Variants in HDAC3 observed in about 807,000 individuals in gnomAD.
The protein encoded by HDAC3 is SMAP45.
A neutral mutation model predicts 62.3 loss-of-function variants in HDAC3; 21 were observed. The observed-to-expected ratio is 0.34, with a 90% CI of 0.24 to 0.49. The LOEUF (loss-of-function observed/expected upper bound fraction) is 0.49, where lower values mean the gene tolerates loss of function less well. HDAC3 is among the 20% of genes least tolerant of loss of function. The probability of loss-of-function intolerance (pLI) is 0.99; values close to 1 mark genes in which losing one functional copy is unlikely to be tolerated. For missense variants in HDAC3, 270 were observed against 556.9 expected (o/e 0.48, Z 5.19); for synonymous variants, 198 against 206.5 (o/e 0.96, Z 0.35).
Position 141,629,339 on chromosome 5 carries a change from G to C in HDAC3, c.477-33C>G. 1 of 1,613,752 alleles carries C rather than the reference G, an allele frequency of 6.2e-7. No homozygotes were observed. Among genetic ancestry groups the C allele is most frequent in the Admixed American group, 1.7e-5 (1 of 60,014 alleles). ...GAAGCCAAAGCCAGGGTCTGAGCTA[G>C]AAGTGAACCCCCCAACCCACTCCTC... On this transcript the variant is annotated intron_variant, in intron 6 of 14. Coordinates refer to ENST00000305264, the MANE Select transcript of HDAC3 (RefSeq NM_003883.4). The surrounding 1 kb of genome is among the most constrained non-coding windows in gnomAD (Gnocchi z 5.3).
rs372644431 is a variant in HDAC3, at chr5:141,625,952, C to A, written c.979+61G>T. On this transcript the variant is annotated intron_variant, in intron 12 of 14. Coordinates refer to ENST00000305264, the MANE Select transcript of HDAC3 (RefSeq NM_003883.4). This position sits in a 1 kb window ranked among gnomAD's most constrained non-coding sequence, Gnocchi z 4.0. ...TTTCCCATGTGCCTTCAAACCAGGTCATTCTGGAATCTGGTGAGAATGGCC... is the reference window on the plus strand; with the variant it reads ...TTTCCCATGTGCCTTCAAACCAGGTAATTCTGGAATCTGGTGAGAATGGCC... 6.9e-5 allele frequency: 102 copies of A among 1,484,300 alleles called. No individual in the cohort carries two copies. In the African/African-American group the frequency reaches 1.1e-3, roughly 16 times the overall value. The allele number at this position is 1,484,300 out of a possible 1,614,324, so 91.9% of individuals were successfully genotyped here.
rs2099904357 is a variant in HDAC3 at position 141,625,822 on chromosome 5, C to T, written c.980-58G>A. ...CTGAGAAAGGCAGCTAACAAGACTT[C>T]CCAATCTTTTTCCTTCCCATCCAGA... On this transcript the variant is annotated intron_variant, in intron 12 of 14. Transcript: ENST00000305264. The surrounding 1 kb of genome is among the most constrained non-coding windows in gnomAD (Gnocchi z 4.0). 3 of 1,524,362 alleles carry T rather than the reference C, an allele frequency of 2.0e-6. No individual in the cohort carries two copies. The highest frequency in any genetic ancestry group is 2.7e-6 in the Non-Finnish European group (3 of 1,098,442). The allele number at this position is 1,524,362 out of a possible 1,614,324, so 94.4% of individuals were successfully genotyped here.
At position 141,625,427 on chromosome 5, in the gene HDAC3, C is replaced by G. The variant is rs1011268657; in HGVS notation, c.1060-62G>C. On this transcript the variant is annotated intron_variant, in intron 13 of 14. Transcript: ENST00000305264. The surrounding 1 kb of genome is among the most constrained non-coding windows in gnomAD (Gnocchi z 4.0). ...CAGAGATTCCCAGGACATGGAATCTCCTAGCTGCCTTTTACCCCTACCATA... is the reference window on the plus strand; with the variant it reads ...CAGAGATTCCCAGGACATGGAATCTGCTAGCTGCCTTTTACCCCTACCATA... 16 of 1,575,616 alleles carry G rather than the reference C, an allele frequency of 1.0e-5. No homozygotes were observed. Among genetic ancestry groups the G allele is most frequent in the Admixed American group, 3.4e-5 (2 of 59,250 alleles).
chr5:141,626,122 C>T lies in HDAC3; in HGVS notation c.921-51G>A, dbSNP rs767716127. On this transcript the variant is annotated intron_variant, in intron 11 of 14. Transcript: ENST00000305264. The surrounding 1 kb of genome is among the most constrained non-coding windows in gnomAD (Gnocchi z 4.6). ...AGGCTGACCAAGTGGGCTGAAGGAC[C>T]CATGTGGCCATATCTGAGGGACACC... The T allele has an allele frequency of 1.2e-6, 2 of 1,604,516 alleles. No homozygotes were observed. The highest frequency in any genetic ancestry group is 2.7e-5 in the African/African-American group (2 of 74,694).
chr5:141,630,705 A>G (rs1333113489), intron 3 of HDAC3, among the ~76,000 whole-genome samples: 1 of 152,212 alleles, frequency 6.6e-6, no homozygotes, highest in East Asian at 1.9e-4. Flanking sequence ...GTATGACTCC[A>G]TTTATGTAAC....
chr5:141,625,350 G>A lies in HDAC3; in HGVS notation c.1075C>T (p.Arg359Cys), dbSNP rs770257066. 5.6e-6 allele frequency: 9 copies of A among 1,613,934 alleles called. No individual in the cohort carries two copies. Among genetic ancestry groups the A allele is most frequent in the Middle Eastern group, 1.6e-4 (1 of 6,084 alleles). ...QNSRQYLDQIRQTIFENLKML... is the reference protein window; with the variant it reads ...QNSRQYLDQICQTIFENLKML... ...TTCAGGTTTTCAAAGATTGTCTGGC[G>A]GATCTGGTCCAGATACTGGTTGGAA... Residue 359 changes from arginine to cysteine, a missense_variant, in exon 14 of 15, where the codon CGC becomes TGC. Arg to Cys is a radical substitution (Grantham distance 180, BLOSUM62 -3). This residue lies in a region of HDAC3 where 156 missense variants were observed against 383.9 expected (regional missense o/e 0.41). Coordinates refer to ENST00000305264, the MANE Select transcript of HDAC3 (RefSeq NM_003883.4). This position sits in a 1 kb window ranked among gnomAD's most constrained non-coding sequence, Gnocchi z 4.0.
In HDAC3 at chr5:141,626,403, T is replaced by C. The variant is rs1223619323; in HGVS notation, c.831-120A>G. 3 of 739,156 alleles carry C rather than the reference T, an allele frequency of 4.1e-6. No homozygotes were observed. The highest frequency in any genetic ancestry group is 7.0e-6 in the Non-Finnish European group (3 of 428,146). The allele number at this position is 739,156 out of a possible 1,614,324, so 45.8% of individuals were successfully genotyped here. ...TAAATGTTCTAAATCTTTATCTTGA[T>C]AGTGAAATTCATTATGTTATACCCT... On this transcript the variant is annotated intron_variant, in intron 10 of 14. Transcript: ENST00000305264. This position sits in a 1 kb window ranked among gnomAD's most constrained non-coding sequence, Gnocchi z 4.6.
rs146494634 is a variant in HDAC3, at chr5:141,627,927, A to G, written c.796T>C (p.Leu266=). Residue 266 remains leucine, a synonymous_variant, in exon 10 of 15, where the codon TTG becomes CTG. Coordinates refer to ENST00000305264, the MANE Select transcript of HDAC3 (RefSeq NM_003883.4). ...CGADSLGCDR[L]GCFNLSIRGH... ...CGGATGCTGAGGTTAAAGCAGCCCA[A>G]TCGATCACAGCCCAGAGAGTCAGCT... 6.2e-6 allele frequency: 10 copies of G among 1,614,058 alleles called. No homozygotes were observed. In the Middle Eastern group the frequency reaches 4.9e-4, roughly 80 times the overall value.
chr5:141,633,518 G>A (rs577501716), intron 3 of HDAC3, among the ~76,000 whole-genome samples: 1 of 152,148 alleles, frequency 6.6e-6, no homozygotes, highest in South Asian at 2.1e-4. Context: ...AGGGAGTATA[G>A]ATGAAGTAAG....
chr5:141,630,696 T>C (rs1046628058), intron 3 of HDAC3, among the ~76,000 whole-genome samples: 3 of 152,216 alleles, frequency 2.0e-5, no homozygotes, highest in African/African-American at 7.2e-5. Context: ...CTACTTACTG[T>C]ATGACTCCAT....
intron 9 of HDAC3, 28 bp from the exon 10 acceptor site, chr5:141,627,985 G>A (rs1250092015): frequency 2.0e-5 from 33 of 1,613,080 alleles, no homozygotes; most frequent in Non-Finnish European, 2.8e-5. Context: ...CCAGGAAAGT[G>A]CAGTGATCAG....
chr5:141,628,733 A>G lies in HDAC3; in HGVS notation c.611-94T>C, dbSNP rs2099904801. On this transcript the variant is annotated intron_variant, in intron 7 of 14. Transcript: ENST00000305264. The surrounding 1 kb of genome is among the most constrained non-coding windows in gnomAD (Gnocchi z 4.7). The stretch of plus-strand genomic sequence containing the variant: ...CTGCACTCTGGGAGCCTCTCATTCC[A>G]TCTATGTAGCTTCACCATAAACTCC... 9 of 858,998 alleles carry G rather than the reference A, an allele frequency of 1.0e-5. No homozygotes were observed. In the Admixed American group the frequency reaches 1.4e-4, roughly 13 times the overall value. 53.2% of individuals were successfully genotyped at this position (858,998 alleles called of 1,614,324 possible).
Position 141,629,596 on chromosome 5 carries a change from G to C in HDAC3, c.476+88C>G. Reference sequence around the variant, plus strand: ...GAACTTGGGAGAAGCTAATCAGGGAGGAGGGAGGTCAAGGTCAGGGTTGAG... The same window carrying C: ...GAACTTGGGAGAAGCTAATCAGGGACGAGGGAGGTCAAGGTCAGGGTTGAG... On this transcript the variant is annotated intron_variant, in intron 6 of 14. Transcript: ENST00000305264. This position sits in a 1 kb window ranked among gnomAD's most constrained non-coding sequence, Gnocchi z 5.3. 1.5e-6 allele frequency: 2 copies of C among 1,293,216 alleles called. No individual in the cohort carries two copies. The highest frequency in any genetic ancestry group is 2.2e-6 in the Non-Finnish European group (2 of 904,092). 80.1% of individuals were successfully genotyped at this position (1,293,216 alleles called of 1,614,324 possible). A position where few individuals can be genotyped will look rare whatever the true frequency, so the allele number is the denominator to read the frequency against.
rs80051259 is a variant in HDAC3 at position 141,636,416 on chromosome 5, C to T, written c.138+132G>A. On this transcript the variant is annotated intron_variant, in intron 2 of 14. Coordinates refer to ENST00000305264, the MANE Select transcript of HDAC3 (RefSeq NM_003883.4). The stretch of plus-strand genomic sequence containing the variant: ...CAACACCCTGCACTTTCAAGGTACT[C>T]CTGGTGACTTCTATCCAGCTCCCCG... 503 of 764,468 alleles carry T rather than the reference C, an allele frequency of 6.6e-4. 2 individuals are homozygous for T. The highest frequency in any genetic ancestry group is 5.9e-3 in the East Asian group (224 of 37,780). 47.4% of individuals were successfully genotyped at this position (764,468 alleles called of 1,614,324 possible). A position where few individuals can be genotyped will look rare whatever the true frequency, so the allele number is the denominator to read the frequency against.
Position 141,626,110 on chromosome 5 carries a change from G to A in HDAC3, c.921-39C>T. 1 of 1,608,688 alleles carries A rather than the reference G, an allele frequency of 6.2e-7. No homozygotes were observed. Among genetic ancestry groups the A allele is most frequent in the Non-Finnish European group, 8.5e-7 (1 of 1,175,050 alleles). ...GCAGAGGGGAGCAGGCTGACCAAGTGGGCTGAAGGACCCATGTGGCCATAT... is the reference window on the plus strand; with the variant it reads ...GCAGAGGGGAGCAGGCTGACCAAGTAGGCTGAAGGACCCATGTGGCCATAT... On this transcript the variant is annotated intron_variant, in intron 11 of 14. Transcript: ENST00000305264. This position sits in a 1 kb window ranked among gnomAD's most constrained non-coding sequence, Gnocchi z 4.6.
intron 14 of HDAC3, among the ~76,000 whole-genome samples, chr5:141,622,433 G>A (rs780854688): frequency 6.6e-5 from 10 of 152,114 alleles, no homozygotes; most frequent in Middle Eastern, 3.4e-3. Flanking sequence ...GTGAAACCCC[G>A]TCTCTACTAA....
intron 3 of HDAC3, among the ~76,000 whole-genome samples, chr5:141,633,471 A>G (rs760508079): frequency 3.9e-5 from 6 of 152,190 alleles, no homozygotes; most frequent in Non-Finnish European, 5.9e-5. Context: ...ATAAAAGGAT[A>G]TAACATCTAG....
intron 3 of HDAC3, among the ~76,000 whole-genome samples, chr5:141,633,257 T>C (rs150364984): frequency 4.8e-4 from 73 of 152,288 alleles, no homozygotes; most frequent in Middle Eastern, 6.8e-3. Flanking sequence ...TTAAGAGACA[T>C]ATCAACCAAA....
At position 141,626,216 on chromosome 5, in the gene HDAC3, C is replaced by G; in HGVS notation, c.898G>C (p.Val300Leu). 1.2e-6 allele frequency: 2 copies of G among 1,614,092 alleles called. No individual in the cohort carries two copies. The highest frequency in any genetic ancestry group is 1.7e-6 in the Non-Finnish European group (2 of 1,180,002). Residue 300 changes from valine to leucine, a missense_variant, in exon 11 of 15, where the codon GTC becomes CTC. By Grantham distance (32) the Val-to-Leu change is conservative. Around this residue, in one of 5 missense-constraint regions of HDAC3, gnomAD observed 156 missense variants for 383.9 expected, o/e 0.41. Transcript: ENST00000305264. This position sits in a 1 kb window ranked among gnomAD's most constrained non-coding sequence, Gnocchi z 4.6. ...LLVLGGGGYT[V>L]RNVARCWTYE... ...CACCAGCAGCGGGCAACATTTCGGACAGTATAACCACCACCACCCAGCACG... is the reference window on the plus strand; with the variant it reads ...CACCAGCAGCGGGCAACATTTCGGAGAGTATAACCACCACCACCCAGCACG...
Sources: allele counts gnomAD v4.1 joint callset (sites outside exome capture counted in the v4.1 genomes callset), GRCh38; gene constraint gnomAD v4.1.1; regional missense constraint gnomAD v4.1.1; non-coding constraint Gnocchi (gnomAD v3.1); transcripts MANE v1.5; gene names NCBI Gene and HGNC (gene_info 2026-07-23, HGNC 2026-07-21).